The following ZBBX variants were observed in gnomAD, a reference collection of about 807,000 sequenced individuals.
ZBBX encodes zinc finger B-box domain containing, also known as zinc finger B-box domain-containing protein 1.
A neutral mutation model predicts 108.5 loss-of-function variants in ZBBX; 101 were observed. The ratio of observed to expected loss-of-function variants is 0.93; its 90% CI spans 0.79 to 1.10. The LOEUF (loss-of-function observed/expected upper bound fraction) is 1.10, where lower values mean the gene tolerates loss of function less well. Among genes scored for constraint, ZBBX ranks in the 50% least tolerant of loss-of-function variants. The probability of loss-of-function intolerance (pLI) is 0.00; values close to 1 mark genes in which losing one functional copy is unlikely to be tolerated. For synonymous variants in ZBBX, 356 were observed against 323.4 expected (o/e 1.10, Z -1.08); for missense variants, 1,009 against 941.4 (o/e 1.07, Z -0.94).
intron 20 of ZBBX, among the ~76,000 whole-genome samples, chr3:167,246,819 T>C (rs540670054): frequency 3.8e-4 from 58 of 152,350 alleles, no homozygotes; most frequent in African/African-American, 1.2e-3. Flanking sequence ...GAAGTAGTTA[T>C]AATGTTATTT....
At chr3:167,261,754 A>G (rs1429561696) in intron 20 of ZBBX, among the ~76,000 whole-genome samples, 1 of 125,324 alleles carries the variant, frequency 8.0e-6, no homozygotes, top group African/African-American at 3.2e-5. Context: ...AACTTGTCCC[A>G]GGCTACCCGC....
At chr3:167,391,862 GATAAATCAAGTAAATATATAT>G (rs1748092263) in intron 1 of ZBBX, among the ~76,000 whole-genome samples, 1 of 151,498 alleles carries the variant, frequency 6.6e-6, no homozygotes, top group African/African-American at 2.4e-5. Flanking sequence ...TTTATATGTA[GATAAATCAAGTAAATATATAT>G]ATAAATCAAG....
intron 11 of ZBBX, among the ~76,000 whole-genome samples, chr3:167,322,624 C>T (rs945596351): frequency 6.6e-6 from 1 of 151,964 alleles, no homozygotes; most frequent in Non-Finnish European, 1.5e-5. Flanking sequence ...TTATGAGAAA[C>T]AGGAAATAAA....
At chr3:167,274,948 A>T (rs1727239246) in intron 20 of ZBBX, among the ~76,000 whole-genome samples, 1 of 152,200 alleles carries the variant, frequency 6.6e-6, no homozygotes, top group Non-Finnish European at 1.5e-5. Context: ...TGCAAAAGAA[A>T]ATTGCCTTGA....
intron 11 of ZBBX, among the ~76,000 whole-genome samples, chr3:167,325,047 C>G (rs1172732020): frequency 6.6e-6 from 1 of 152,080 alleles, no homozygotes; most frequent in East Asian, 1.9e-4. Context: ...AAATCCTGTG[C>G]GAGTACATCT....
intron 10 of ZBBX, among the ~76,000 whole-genome samples, chr3:167,333,034 C>T (rs1738918492): frequency 6.6e-6 from 1 of 151,982 alleles, no homozygotes; most frequent in African/African-American, 2.4e-5. Context: ...GCGAAATCCA[C>T]ACAAATATGC....
At chr3:167,275,256 T>C (rs976055318) in intron 20 of ZBBX, among the ~76,000 whole-genome samples, 7 of 152,084 alleles carry the variant, frequency 4.6e-5, no homozygotes, top group Non-Finnish European at 1.0e-4. Context: ...ATGTTTAAAA[T>C]GATTCTCACT....
chr3:167,253,935 A>G (rs1003862821), intron 20 of ZBBX, among the ~76,000 whole-genome samples: 3 of 152,178 alleles, frequency 2.0e-5, no homozygotes, highest in African/African-American at 4.8e-5. Flanking sequence ...AAAAGAGCAA[A>G]ATTAACCTCA....
upstream of ZBBX, among the ~76,000 whole-genome samples, chr3:167,383,116 T>C (rs1747802181): frequency 6.6e-6 from 1 of 152,130 alleles, no homozygotes; most frequent in Non-Finnish European, 1.5e-5. Flanking sequence ...ATTTTGATAA[T>C]ACCAAACCTT....
chr3:167,195,105 G>C, the ZBBX span, among the ~76,000 whole-genome samples: 1 of 152,142 alleles, frequency 6.6e-6, no homozygotes, highest in African/African-American at 2.4e-5. Flanking sequence ...TTACCCCAAG[G>C]AGAAAAATTT....
chr3:167,377,404 A>G (rs1747134606), intron 2 of ZBBX, among the ~76,000 whole-genome samples: 1 of 152,178 alleles, frequency 6.6e-6, no homozygotes, highest in Non-Finnish European at 1.5e-5. Flanking sequence ...AGTTTAGTTA[A>G]TTCTTCTAAT....
At chr3:167,205,458 T>A in the ZBBX span, among the ~76,000 whole-genome samples, 2 of 152,170 alleles carry the variant, frequency 1.3e-5, no homozygotes, top group African/African-American at 2.4e-5. Context: ...CTTAAGTGGT[T>A]TTGTGATCTC....
intron 19 of ZBBX, among the ~76,000 whole-genome samples, chr3:167,286,751 G>A (rs1729776838): frequency 6.6e-6 from 1 of 152,050 alleles, no homozygotes; most frequent in Admixed American, 6.6e-5. Flanking sequence ...ATTTCCAGAG[G>A]CAGGAAGATG....
In ZBBX at chr3:167,248,542, A is replaced by ATAAG. The variant is rs527396599; in HGVS notation, c.2255-5900_2255-5899insCTTA. 42 of 437,710 alleles carry ATAAG rather than the reference A, an allele frequency of 9.6e-5. 1 individual carries two copies. Among genetic ancestry groups the ATAAG allele is most frequent in the Middle Eastern group, 7.3e-4 (2 of 2,738 alleles). 27.1% of individuals were successfully genotyped at this position (437,710 alleles called of 1,614,324 possible). On this transcript the variant is annotated intron_variant, in intron 20 of 21. Transcript: ENST00000675490. ...ACAGAGTAATGGCCCCTGCTGACTG[A>ATAAG]TAACTGCAAATTCGACAGGGCACAT... is the stretch of plus-strand genomic sequence containing the variant.
At chr3:167,346,252 T>C (rs1225482054) in intron 9 of ZBBX, among the ~76,000 whole-genome samples, 1 of 151,922 alleles carries the variant, frequency 6.6e-6, no homozygotes, top group African/African-American at 2.4e-5. Context: ...TTTCAGTTAA[T>C]TAAATATTTA....
chr3:167,231,211 T>G, the ZBBX span, among the ~76,000 whole-genome samples: 1 of 151,784 alleles, frequency 6.6e-6, no homozygotes, highest in Non-Finnish European at 1.5e-5. Flanking sequence ...ACATTAGAGG[T>G]TTGACAGAAT....
rs186081572 is a variant in ZBBX, at chr3:167,336,291, A to T, written c.529-2306T>A. On this transcript the variant is annotated intron_variant, in intron 9 of 21. Transcript: ENST00000675490. ...CACATTTTTTATGCTAAAAAATAAG[A>T]TAAACATCATAGGTAACTGATAAAA... Among the ~76,000 whole-genome samples the T allele has an allele frequency of 1.2e-4, 18 of 152,154 alleles. No homozygotes were observed. The Middle Eastern group carries it at 0.01, about 87-fold the overall frequency.
chr3:167,274,209 T>C (rs527655356), intron 20 of ZBBX, among the ~76,000 whole-genome samples: 2 of 152,328 alleles, frequency 1.3e-5, no homozygotes, highest in African/African-American at 4.8e-5. Context: ...AATTCTGGAA[T>C]TGATAGCCCT....
At chr3:167,366,917 T>C in intron 5 of ZBBX, 1 of 455,980 alleles carries the variant, frequency 2.2e-6, no homozygotes, top group South Asian at 1.6e-5. Flanking sequence ...ATAATAAACT[T>C]TGTCATCCTG....
Sources: allele counts gnomAD v4.1 joint callset (sites outside exome capture counted in the v4.1 genomes callset), GRCh38; gene constraint gnomAD v4.1.1; transcripts MANE v1.5; gene names NCBI Gene and HGNC (gene_info 2026-07-23, HGNC 2026-07-21).